WDR25: variants seen among roughly 807,000 people sequenced by gnomAD.
WDR25 encodes WD repeat-containing protein 25.
WDR25 carries 35 observed loss-of-function variants against 47.7 expected under a neutral mutation model. That is an observed-to-expected ratio of 0.73 (90% CI 0.56 to 0.97). The LOEUF (loss-of-function observed/expected upper bound fraction) is 0.97. Among genes scored for constraint, WDR25 ranks in the 50% least tolerant of loss-of-function variants. The probability of loss-of-function intolerance (pLI) is 0.00; values close to 1 mark genes in which losing one functional copy is unlikely to be tolerated. For missense variants in WDR25, 634 were observed against 704.7 expected, an observed-to-expected ratio of 0.90 and a Z score of 1.14; for synonymous variants, 248 against 278.9, an observed-to-expected ratio of 0.89 and a Z score of 1.10.
At position 100,502,957 on chromosome 14, in the gene WDR25, GTGTGTGTCTGTA is replaced by G. The variant is rs1333350517; in HGVS notation, c.1101+18842_1101+18853del. ...GAACACGCAGTGTGTGTCTGTGAGT[GTGTGTGTCTGTA>G]TGTGTGTCGGTGCATGTGTGTGTGT... On this transcript the variant is annotated intron_variant, in intron 4 of 6. Coordinates refer to ENST00000402312, the MANE Select transcript of WDR25 (RefSeq NM_001161476.3). The surrounding 1 kb of genome is among the most constrained non-coding windows in gnomAD (Gnocchi z 4.5). 6.6e-6 allele frequency among the ~76,000 whole-genome samples: 1 copy of G among 152,014 alleles called. No homozygotes were observed. Among genetic ancestry groups the G allele is most frequent in the Non-Finnish European group, 1.5e-5 (1 of 68,012 alleles).
chr14:100,394,442 A>T (rs2140159022), intron 2 of WDR25, among the ~76,000 whole-genome samples: 1 of 152,256 alleles, frequency 6.6e-6, no homozygotes, highest in South Asian at 2.1e-4. Flanking sequence ...CTGTGAGCAG[A>T]GAAAGCACTC....
rs146378271 is a variant in WDR25 at position 100,421,751 on chromosome 14, A to G, written c.822+40005A>G. Among the ~76,000 whole-genome samples, 292 of 152,332 alleles carry G rather than the reference A, an allele frequency of 1.9e-3. 2 individuals carry two copies. Among genetic ancestry groups the G allele is most frequent in the Non-Finnish European group, 3.0e-3 (203 of 68,034 alleles). On this transcript the variant is annotated intron_variant, in intron 2 of 6. Coordinates refer to ENST00000402312, the MANE Select transcript of WDR25 (RefSeq NM_001161476.3). ...ATGTTTCCTGCATATGTTATGAATG[A>G]CATAAATAATATGTAATACTTTTGT...
rs181753473 is a variant in WDR25, at chr14:100,500,015, G to A, written c.1101+15891G>A. On this transcript the variant is annotated intron_variant, in intron 4 of 6. Coordinates refer to ENST00000402312, the MANE Select transcript of WDR25 (RefSeq NM_001161476.3). This position sits in a 1 kb window ranked among gnomAD's most constrained non-coding sequence, Gnocchi z 4.7. ...GGGGATGGTACAAGCATTGGGAAAT[G>A]GTCTTGCAGCCTGCCTGGCCCCGCT... is the stretch of plus-strand genomic sequence containing the variant. 1.7e-3 allele frequency among the ~76,000 whole-genome samples: 261 copies of A among 152,224 alleles called. No individual in the cohort carries two copies. Among genetic ancestry groups the A allele is most frequent in the Non-Finnish European group, 2.2e-3 (153 of 68,004 alleles).
chr14:100,470,007 A>C (rs1313512677), intron 3 of WDR25, among the ~76,000 whole-genome samples: 1 of 152,246 alleles, frequency 6.6e-6, no homozygotes, highest in African/African-American at 2.4e-5. Flanking sequence ...AGAAGTGCAG[A>C]GTCAATCCCA....
At chr14:100,474,678 T>A (rs1460037095) in intron 3 of WDR25, among the ~76,000 whole-genome samples, 2 of 152,234 alleles carry the variant, frequency 1.3e-5, no homozygotes, top group African/African-American at 4.8e-5. Context: ...ATTTTTTAAA[T>A]TTTGGAACAT....
chr14:100,441,472 C>T (rs1423546779), intron 2 of WDR25, among the ~76,000 whole-genome samples: 1 of 152,086 alleles, frequency 6.6e-6, no homozygotes, highest in Non-Finnish European at 1.5e-5. Context: ...TGGAGCTCTC[C>T]AGGCAGATGC....
chr14:100,525,782 G>T lies in WDR25; in HGVS notation c.1102-88G>T, dbSNP rs1237467856. ...GCCCAGCATAAACTTCACTAAACCT[G>T]CCTGCCCCCTGGGTCCTTGGCCTTC... On this transcript the variant is annotated intron_variant, in intron 4 of 6. Transcript: ENST00000402312. The surrounding 1 kb of genome is among the most constrained non-coding windows in gnomAD (Gnocchi z 4.6). 2.1e-5 allele frequency: 31 copies of T among 1,506,648 alleles called. No homozygotes were observed. Among genetic ancestry groups the T allele is most frequent in the Non-Finnish European group, 2.8e-5 (31 of 1,118,310 alleles). 93.3% of individuals were successfully genotyped at this position (1,506,648 alleles called of 1,614,324 possible).
rs2030358910 is a variant in WDR25, at chr14:100,529,380, A to G, written c.1413+172A>G. 2.0e-6 allele frequency: 2 copies of G among 1,006,908 alleles called. No homozygotes were observed. Among genetic ancestry groups the G allele is most frequent in the South Asian group, 3.3e-5 (2 of 61,410 alleles). 62.4% of individuals were successfully genotyped at this position (1,006,908 alleles called of 1,614,324 possible). A position where few individuals can be genotyped will look rare whatever the true frequency, so the allele number is the denominator to read the frequency against. On this transcript the variant is annotated intron_variant, in intron 6 of 6. Transcript: ENST00000402312. This position sits in a 1 kb window ranked among gnomAD's most constrained non-coding sequence, Gnocchi z 5.1. Reference sequence around the variant, plus strand: ...CACTGTCTCTTCAAGTCCCTGAACCACATCTGGTCCTCACCCCAGGCCCCA... The same window carrying G: ...CACTGTCTCTTCAAGTCCCTGAACCGCATCTGGTCCTCACCCCAGGCCCCA...
intron 2 of WDR25, among the ~76,000 whole-genome samples, chr14:100,416,494 TGTGCC>T (rs1204814227): frequency 6.6e-6 from 1 of 152,194 alleles, no homozygotes; most frequent in African/African-American, 2.4e-5. Context: ...CTGCCTGCTG[TGTGCC>T]TTGAATTCTT....
chr14:100,392,935 C>G lies in WDR25; in HGVS notation c.822+11189C>G, dbSNP rs537548073. On this transcript the variant is annotated intron_variant, in intron 2 of 6. Transcript: ENST00000402312. This position sits in a 1 kb window ranked among gnomAD's most constrained non-coding sequence, Gnocchi z 4.2. ...CATTTTCATGGGTCCAGATACGTCT[C>G]TTGTCAGATTGCTTTCCAAAAGGAT... 2.0e-5 allele frequency among the ~76,000 whole-genome samples: 3 copies of G among 152,350 alleles called. No individual in the cohort carries two copies. In the East Asian group the frequency reaches 5.8e-4, roughly 29 times the overall value.
At chr14:100,481,301 T>G in intron 3 of WDR25, 1 of 895,446 alleles carries the variant, frequency 1.1e-6, no homozygotes, top group Admixed American at 2.0e-5. Context: ...GTCTTATCAG[T>G]GGTCCCTGTC....
intron 2 of WDR25, among the ~76,000 whole-genome samples, chr14:100,412,344 A>C (rs934906158): frequency 1.4e-4 from 21 of 152,114 alleles, no homozygotes; most frequent in Non-Finnish European, 2.6e-4. Flanking sequence ...GCTCGGTATT[A>C]GGTGCTCAGG....
chr14:100,445,631 C>T (rs58354008), intron 2 of WDR25, among the ~76,000 whole-genome samples: 18 of 152,130 alleles, frequency 1.2e-4, no homozygotes, highest in Admixed American at 4.6e-4. Flanking sequence ...AGGGCTGAGA[C>T]GGGGACAGGA....
Position 100,424,183 on chromosome 14 carries a change from G to T in WDR25, c.822+42437G>T, listed in dbSNP as rs952670121. On this transcript the variant is annotated intron_variant, in intron 2 of 6. Transcript: ENST00000402312. The surrounding 1 kb of genome is among the most constrained non-coding windows in gnomAD (Gnocchi z 4.2). ...GGGCGAGGCCTCCCAGGCTGGCTGG[G>T]TGAGTGTTCCTGAGCCCAGGCACTT... 2.6e-5 allele frequency among the ~76,000 whole-genome samples: 4 copies of T among 152,344 alleles called. No individual in the cohort carries two copies. In the South Asian group the frequency reaches 6.2e-4, roughly 24 times the overall value.
intron 2 of WDR25, among the ~76,000 whole-genome samples, chr14:100,463,330 G>T (rs1899491456): frequency 6.6e-6 from 1 of 152,206 alleles, no homozygotes; most frequent in Non-Finnish European, 1.5e-5. Context: ...AGGTGTGTCT[G>T]TTCTCATTCT....
intron 2 of WDR25, among the ~76,000 whole-genome samples, chr14:100,461,776 C>G (rs1899421987): frequency 6.6e-6 from 1 of 152,102 alleles, no homozygotes; most frequent in South Asian, 2.1e-4. Context: ...AGGAGCCAGG[C>G]CTGACTAGGA....
At chr14:100,482,841 T>G (rs1219362982) in intron 3 of WDR25, among the ~76,000 whole-genome samples, 1 of 152,212 alleles carries the variant, frequency 6.6e-6, no homozygotes, top group Admixed American at 6.5e-5. Flanking sequence ...CCCGTGTCCC[T>G]AAGTAGCCCA....
In WDR25 at chr14:100,425,940, G is replaced by A. The variant is rs1006438274; in HGVS notation, c.823-42081G>A. 8.5e-5 allele frequency among the ~76,000 whole-genome samples: 13 copies of A among 152,316 alleles called. No homozygotes were observed. The East Asian group carries it at 1.7e-3, about 20-fold the overall frequency. ...GCGAGACCCTGGGCCTTGCGAGGAC[G>A]CCGTCCTGACATTTCCACCCCAAAT... On this transcript the variant is annotated intron_variant, in intron 2 of 6. Transcript: ENST00000402312. The surrounding 1 kb of genome is among the most constrained non-coding windows in gnomAD (Gnocchi z 4.8).
intron 4 of WDR25, among the ~76,000 whole-genome samples, chr14:100,512,071 A>T (rs1901328821): frequency 6.6e-6 from 1 of 152,090 alleles, no homozygotes; most frequent in South Asian, 2.1e-4. Context: ...TTTTTATTAT[A>T]ATATCTTTGT....
Sources: allele counts gnomAD v4.1 joint callset (sites outside exome capture counted in the v4.1 genomes callset), GRCh38; gene constraint gnomAD v4.1.1; non-coding constraint Gnocchi (gnomAD v3.1); transcripts MANE v1.5; gene names NCBI Gene and HGNC (gene_info 2026-07-23, HGNC 2026-07-21).